MACROD2: variants seen among roughly 807,000 people sequenced by gnomAD.
The protein encoded by MACROD2 is ADP-ribose glycohydrolase MACROD2.
A neutral mutation model predicts 70.4 loss-of-function variants in MACROD2; 36 were observed. The observed-to-expected ratio is 0.51, with a 90% CI of 0.39 to 0.68. MACROD2 has a LOEUF of 0.68. Among genes scored for constraint, MACROD2 ranks in the 30% least tolerant of loss-of-function variants. MACROD2 has a pLI of 0.00. For synonymous variants in MACROD2, 172 were observed against 178.8 expected, an observed-to-expected ratio of 0.96 and a Z score of 0.30; for missense variants, 496 against 538.4, an observed-to-expected ratio of 0.92 and a Z score of 0.78.
chr20:14,006,017 A>G (rs1172731142), intron 2 of MACROD2, among the ~76,000 whole-genome samples: 1 of 152,234 alleles, frequency 6.6e-6, no homozygotes, highest in African/African-American at 2.4e-5. Flanking sequence ...TGGTCCCATA[A>G]GATTATAATA....
intron 3 of MACROD2, among the ~76,000 whole-genome samples, chr20:14,089,708 A>AG (rs1295031972): frequency 1.3e-5 from 2 of 152,186 alleles, no homozygotes; most frequent in African/African-American, 4.8e-5. Flanking sequence ...AGAGTTAGGC[A>AG]GACCTGGGTT....
At chr20:15,341,819 GGA>G (rs1477180628) in intron 6 of MACROD2, among the ~76,000 whole-genome samples, 4 of 152,188 alleles carry the variant, frequency 2.6e-5, no homozygotes, top group African/African-American at 9.7e-5. Context: ...AGGAAGCCAA[GGA>G]GAGAGAATGG....
chr20:14,121,329 C>T (rs1209598789), intron 3 of MACROD2, among the ~76,000 whole-genome samples: 2 of 152,132 alleles, frequency 1.3e-5, no homozygotes, highest in Admixed American at 6.6e-5. Context: ...TACTCAAGGA[C>T]GTGGAGGTCC....
intron 5 of MACROD2, among the ~76,000 whole-genome samples, chr20:14,968,317 C>T (rs2074657419): frequency 6.6e-6 from 1 of 152,118 alleles, no homozygotes. Context: ...GAATATACAA[C>T]AGTTCTCAGC....
At chr20:14,170,810 T>C (rs952538827) in intron 3 of MACROD2, among the ~76,000 whole-genome samples, 4 of 152,194 alleles carry the variant, frequency 2.6e-5, no homozygotes, top group Non-Finnish European at 5.9e-5. Flanking sequence ...AGTTTTCCTT[T>C]TTTTATTATG....
In MACROD2 at chr20:15,432,830, G is replaced by C. The variant is rs566444417; in HGVS notation, c.571+1395G>C. On this transcript the variant is annotated intron_variant, in intron 7 of 17. Coordinates refer to ENST00000684519, the MANE Select transcript of MACROD2 (RefSeq NM_001351661.2). ...TTACTTCTGAGAATCTTATGGTAAT[G>C]TGTTAAGAGCTTCAAAAAGGGAATT... Among the ~76,000 whole-genome samples the C allele has an allele frequency of 2.0e-5, 3 of 152,110 alleles. No individual in the cohort carries two copies. The South Asian group carries it at 6.2e-4, about 32-fold the overall frequency.
intron 3 of MACROD2, among the ~76,000 whole-genome samples, chr20:14,118,842 A>ATTTTTTT (rs1225541555): frequency 8.2e-6 from 1 of 121,240 alleles, no homozygotes; most frequent in East Asian, 2.4e-4. Flanking sequence ...AGTGACTGTG[A>ATTTTTTT]TTTTTTTTTT....
At chr20:15,456,181 C>T (rs1309724107) in intron 7 of MACROD2, among the ~76,000 whole-genome samples, 3 of 152,164 alleles carry the variant, frequency 2.0e-5, no homozygotes, top group Non-Finnish European at 4.4e-5. Context: ...AAAAGAATCT[C>T]TTTGAACTAC....
chr20:15,431,302 G>A (rs2046361005), intron 6 of MACROD2, 103 bp from the exon 7 acceptor site: 1 of 1,023,898 alleles, frequency 9.8e-7, no homozygotes, highest in Non-Finnish European at 1.5e-6. Flanking sequence ...GAATATGTAA[G>A]TAGAGGGCAT....
In MACROD2 at chr20:15,560,762, C is replaced by CAAAAAAAAAAAAAAAA. The variant is rs71190190; in HGVS notation, c.645+60929_645+60944dup. 2.9e-3 allele frequency among the ~76,000 whole-genome samples: 65 copies of CAAAAAAAAAAAAAAAA among 22,084 alleles called. 2 individuals carry two copies. Among genetic ancestry groups the CAAAAAAAAAAAAAAAA allele is most frequent in the Middle Eastern group, 0.026 (1 of 38 alleles). 14.5% of individuals were successfully genotyped at this position (22,084 alleles called of 152,430 possible). A position where few individuals can be genotyped will look rare whatever the true frequency, so the allele number is the denominator to read the frequency against. On this transcript the variant is annotated intron_variant, in intron 8 of 17. Transcript: ENST00000684519. ...TGGGCCACAGGGCATAACAAAGTCT[C>CAAAAAAAAAAAAAAAA]AAAAAAAAAAAAAAAAAAAAAAAAA... is the stretch of plus-strand genomic sequence containing the variant.
At chr20:15,643,798 T>G (rs117250886) in intron 8 of MACROD2, among the ~76,000 whole-genome samples, 135 of 152,268 alleles carry the variant, frequency 8.9e-4, no homozygotes, top group Admixed American at 1.6e-3. Context: ...TGACAGAAAA[T>G]CTCAAAGTAG....
At chr20:15,652,883 A>G (rs1340980598) in intron 8 of MACROD2, among the ~76,000 whole-genome samples, 1 of 152,198 alleles carries the variant, frequency 6.6e-6, no homozygotes, top group African/African-American at 2.4e-5. Context: ...TAAAATGCAT[A>G]GAAAAATGCA....
At chr20:15,504,867 C>G (rs1402928377) in intron 8 of MACROD2, among the ~76,000 whole-genome samples, 5 of 152,180 alleles carry the variant, frequency 3.3e-5, no homozygotes, top group African/African-American at 2.4e-5. Flanking sequence ...GCCTAGATTT[C>G]TAAGTTGGGG....
intron 5 of MACROD2, among the ~76,000 whole-genome samples, chr20:14,828,786 G>A (rs1430079375): frequency 6.6e-6 from 1 of 151,908 alleles, no homozygotes; most frequent in Non-Finnish European, 1.5e-5. Flanking sequence ...ATTAACCATT[G>A]CATTTTTACT....
chr20:15,305,785 C>T (rs1186357388), intron 6 of MACROD2, among the ~76,000 whole-genome samples: 1 of 152,132 alleles, frequency 6.6e-6, no homozygotes, highest in East Asian at 1.9e-4. Flanking sequence ...TAGACCGTAA[C>T]ATATAAGGTA....
At chr20:14,955,221 T>A (rs1449321109) in intron 5 of MACROD2, among the ~76,000 whole-genome samples, 6 of 137,184 alleles carry the variant, frequency 4.4e-5, no homozygotes, top group Non-Finnish European at 9.2e-5. Flanking sequence ...ATATAATTTA[T>A]ATAATATATA....
chr20:15,674,880 A>AT (rs1438883952), intron 8 of MACROD2, among the ~76,000 whole-genome samples: 2 of 152,168 alleles, frequency 1.3e-5, no homozygotes, highest in African/African-American at 2.4e-5. Context: ...GAGTTGAGCC[A>AT]AGCCATTCAT....
At chr20:15,304,220 G>A (rs2077674325) in intron 6 of MACROD2, among the ~76,000 whole-genome samples, 2 of 152,214 alleles carry the variant, frequency 1.3e-5, no homozygotes, top group Admixed American at 6.5e-5. Context: ...ATTGAATCTG[G>A]TGAAAGAAAG....
rs1256935820 is a variant in MACROD2 at position 14,013,808 on chromosome 20, G to A, written c.163+11404G>A. 6.8e-5 allele frequency among the ~76,000 whole-genome samples: 10 copies of A among 146,838 alleles called. No homozygotes were observed. In the South Asian group the frequency reaches 1.6e-3, roughly 23 times the overall value. ...AGCAGTTCTCCTGCCTCAGCCTCCC[G>A]AGTCGCTGGGGTTACAGGCGCCTGC... On this transcript the variant is annotated intron_variant, in intron 2 of 17. Transcript: ENST00000684519.
Sources: allele counts gnomAD v4.1 joint callset (sites outside exome capture counted in the v4.1 genomes callset), GRCh38; gene constraint gnomAD v4.1.1; transcripts MANE v1.5; gene names NCBI Gene and HGNC (gene_info 2026-07-23, HGNC 2026-07-21).